The following PSPC1 variants were observed in gnomAD, a reference collection of about 807,000 sequenced individuals.
The protein encoded by PSPC1 is paraspeckle component 1.
A neutral mutation model predicts 51.6 loss-of-function variants in PSPC1; 14 were observed. The ratio of observed to expected loss-of-function variants is 0.27; its 90% confidence interval spans 0.18 to 0.42. The LOEUF is 0.42. PSPC1 is among the 10% of genes least tolerant of loss of function. The pLI is 1.00. For missense variants in PSPC1, 406 were observed against 701.1 expected, an observed-to-expected ratio of 0.58 and a Z score of 4.75; for synonymous variants, 193 against 231.9, an observed-to-expected ratio of 0.83 and a Z score of 1.53.
chr13:19,759,192 A>G (rs1166210247), intron 3 of PSPC1, 131 bp downstream of exon 3: 3 of 677,526 alleles, frequency 4.4e-6, no homozygotes, highest in Admixed American at 2.8e-5. Context: ...CTAGCATTCC[A>G]TGTAGACTAG....
At chr13:19,775,414 C>T (rs1218019878) in intron 1 of PSPC1, among the ~76,000 whole-genome samples, 2 of 151,546 alleles carry the variant, frequency 1.3e-5, no homozygotes, top group Non-Finnish European at 2.9e-5. Flanking sequence ...GCTATTCATA[C>T]AGCATTTACA....
chr13:19,771,212 A>G (rs1213813011), intron 2 of PSPC1, among the ~76,000 whole-genome samples: 2 of 152,118 alleles, frequency 1.3e-5, no homozygotes, highest in Non-Finnish European at 2.9e-5. Context: ...ATCTGGACTC[A>G]CTGCAACCTC....
chr13:19,735,848 A>G (rs956947282), intron 5 of PSPC1, among the ~76,000 whole-genome samples: 3 of 151,848 alleles, frequency 2.0e-5, no homozygotes, highest in African/African-American at 7.3e-5. Flanking sequence ...TTTGAGACGC[A>G]GTCCCCTCTG....
intron 6 of PSPC1, among the ~76,000 whole-genome samples, chr13:19,684,559 T>TA (rs1462746443): frequency 2.6e-5 from 4 of 152,268 alleles, no homozygotes; most frequent in Non-Finnish European, 4.4e-5. Context: ...AATAGCACCT[T>TA]ACTGTTACTT....
At chr13:19,737,101 T>G (rs1884924818) in intron 5 of PSPC1, 1 of 152,232 alleles carries the variant, frequency 6.6e-6, no homozygotes, top group South Asian at 2.1e-4. Flanking sequence ...TCACCCCTCC[T>G]TAGGTAACCT....
rs139862927 is a variant in PSPC1 at position 19,748,251 on chromosome 13, T to C, written c.967+3020A>G. On this transcript the variant is annotated intron_variant, in intron 4 of 8. Coordinates refer to ENST00000338910, the MANE Select transcript of PSPC1 (RefSeq NM_001354909.2). ...AAAAAAAAAAAGAAATACAAAATTG[T>C]AGAACAAATGGGAGAAAGTTGTAAC... 2.0e-3 allele frequency among the ~76,000 whole-genome samples: 306 copies of C among 151,852 alleles called. 4 individuals are homozygous for C. Among genetic ancestry groups the C allele is most frequent in the African/African-American group, 7.2e-3 (300 of 41,438 alleles).
intron 6 of PSPC1, among the ~76,000 whole-genome samples, chr13:19,724,637 G>A (rs948067622): frequency 6.6e-6 from 1 of 152,118 alleles, no homozygotes. Context: ...GGCGGGTCAC[G>A]AGGTCAGGAG....
chr13:19,766,019 A>G (rs1190706665), intron 2 of PSPC1, among the ~76,000 whole-genome samples: 2 of 152,218 alleles, frequency 1.3e-5, no homozygotes, highest in Non-Finnish European at 2.9e-5. Flanking sequence ...AAATAGGAAA[A>G]GTACAAAATT....
chr13:19,758,584 G>T (rs958551485), intron 3 of PSPC1, among the ~76,000 whole-genome samples: 4 of 152,128 alleles, frequency 2.6e-5, no homozygotes, highest in African/African-American at 9.7e-5. Flanking sequence ...TGTAATCCTA[G>T]CACTTTGGGA....
chr13:19,738,628 C>G (rs1885096623), intron 5 of PSPC1, among the ~76,000 whole-genome samples: 1 of 152,136 alleles, frequency 6.6e-6, no homozygotes, highest in Non-Finnish European at 1.5e-5. Flanking sequence ...GACAAGTTAG[C>G]CGGGTGCAGT....
chr13:19,747,382 A>T (rs1886103088), intron 4 of PSPC1, among the ~76,000 whole-genome samples: 1 of 152,162 alleles, frequency 6.6e-6, no homozygotes, highest in African/African-American at 2.4e-5. Context: ...TCCAGGCTGG[A>T]GTACAGTGGC....
At chr13:19,764,770 A>G (rs4769904) in intron 2 of PSPC1, among the ~76,000 whole-genome samples, 140,570 of 151,184 alleles carry the variant, frequency 0.93, 66,256 homozygotes, top group East Asian at 1. Context: ...GTCTTGTTCT[A>G]TTGCCCAGGC....
intron 6 of PSPC1, among the ~76,000 whole-genome samples, chr13:19,695,974 A>C (rs994078016): frequency 1.3e-5 from 2 of 152,148 alleles, no homozygotes; most frequent in Admixed American, 6.5e-5. Flanking sequence ...TTAATAAGCC[A>C]CCATGGGGTA....
At chr13:19,730,492 C>T (rs1351972859) in intron 5 of PSPC1, 148 bp from the exon 6 acceptor site, 6 of 661,082 alleles carry the variant, frequency 9.1e-6, no homozygotes, top group Non-Finnish European at 1.6e-5. Context: ...ATTTACCTTC[C>T]TTCTATGTCA....
chr13:19,724,321 T>A (rs978581141), intron 6 of PSPC1, among the ~76,000 whole-genome samples: 1 of 150,882 alleles, frequency 6.6e-6, no homozygotes, highest in African/African-American at 2.4e-5. Flanking sequence ...TTAATGGAAT[T>A]TTTTTTTTTA....
intron 1 of PSPC1, among the ~76,000 whole-genome samples, chr13:19,775,334 A>G (rs1048658661): frequency 7.9e-5 from 12 of 152,126 alleles, no homozygotes; most frequent in Non-Finnish European, 1.2e-4. Context: ...CCTGGGTGAC[A>G]GAGCGAGACT....
intron 2 of PSPC1, among the ~76,000 whole-genome samples, chr13:19,764,450 C>T (rs1887869939): frequency 6.6e-6 from 1 of 151,936 alleles, no homozygotes; most frequent in African/African-American, 2.4e-5. Context: ...GTATTTGTGA[C>T]TGATCTTTCC....
At chr13:19,674,573 CA>C (rs1876425488), downstream of PSPC1, 1 of 152,172 alleles carries the variant, frequency 6.6e-6, no homozygotes, top group Admixed American at 6.5e-5. Flanking sequence ...TAGTGCTGGC[CA>C]GGCTTATAAG....
At chr13:19,713,422 T>C (rs982719156) in intron 6 of PSPC1, among the ~76,000 whole-genome samples, 1 of 151,770 alleles carries the variant, frequency 6.6e-6, no homozygotes, top group Non-Finnish European at 1.5e-5. Flanking sequence ...CAAGGTCATA[T>C]GGATAGTAAG....
Sources: allele counts gnomAD v4.1 joint callset (sites outside exome capture counted in the v4.1 genomes callset), GRCh38; gene constraint gnomAD v4.1.1; transcripts MANE v1.5; gene names NCBI Gene and HGNC (gene_info 2026-07-23, HGNC 2026-07-21).